SIRT6: variants seen among roughly 807,000 people sequenced by gnomAD.
The protein encoded by SIRT6 is NAD-dependent protein deacylase sirtuin-6.
Under a neutral mutation model 33.6 loss-of-function variants are expected in SIRT6, and 21 were observed. The observed-to-expected ratio is 0.62, with a 90% CI of 0.44 to 0.90. The LOEUF (loss-of-function observed/expected upper bound fraction) is 0.90. Ranked by LOEUF, SIRT6 falls within the 40% of genes least tolerant of loss-of-function variation. The probability of loss-of-function intolerance (pLI) is 0.00; values close to 1 mark genes in which losing one functional copy is unlikely to be tolerated. For synonymous variants in SIRT6, 221 were observed against 223.9 expected (o/e 0.99, Z 0.12); for missense variants, 504 against 510.6 (o/e 0.99, Z 0.12).
chr19:4,178,246 C>T (rs569593300), intron 3 of SIRT6, among the ~76,000 whole-genome samples: 17 of 151,944 alleles, frequency 1.1e-4, no homozygotes, highest in African/African-American at 3.6e-4. Flanking sequence ...AGGCTGGTCT[C>T]GAACTCTTGA....
At chr19:4,182,219 G>T in intron 1 of SIRT6, 1 of 490,676 alleles carries the variant, frequency 2.0e-6, no homozygotes, top group Non-Finnish European at 3.6e-6. Context: ...ACCTCCCTTT[G>T]CGCCTGTCGT....
chr19:4,180,773 A>G lies in SIRT6; in HGVS notation c.194+9T>C. The G allele has an allele frequency of 6.2e-7, 1 of 1,604,706 alleles. No individual in the cohort carries two copies. Among genetic ancestry groups the G allele is most frequent in the South Asian group, 1.1e-5 (1 of 89,966 alleles). The stretch of plus-strand genomic sequence containing the variant: ...GCCTTGCCTCGACTTCCCCTGCACA[A>G]TCACAGACCTGAAGTCGGGGATGCC... On this transcript the variant is annotated intron_variant, in intron 2 of 7. Transcript: ENST00000337491.
rs748302927 is a variant in SIRT6 at position 4,180,914 on chromosome 19, G to T, written c.67-5C>A. On this transcript the variant is annotated splice_region_variant and splice_polypyrimidine_tract_variant and intron_variant, in intron 1 of 7. Transcript: ENST00000337491. The stretch of plus-strand genomic sequence containing the variant: ...CTCCTCCGGGGGGTCGAAGATCTGT[G>T]GGGGGAGAGAGCAGACGGAGGGGTC... 57 of 1,607,986 alleles carry T rather than the reference G, an allele frequency of 3.5e-5. No homozygotes were observed. The highest frequency in any genetic ancestry group is 2.7e-4 in the Admixed American group (16 of 59,002).
At position 4,174,359 on chromosome 19, in the gene SIRT6, G is replaced by A. The variant is rs1469493093; in HGVS notation, c.*258C>T. ...CAGGGAGGGCCCAGCCTCACCTCTG[G>A]ACAACACAGCAAGTCAGAGGCTGGG... On this transcript the variant is annotated 3_prime_UTR_variant, in exon 8 of 8. Coordinates refer to ENST00000337491, the MANE Select transcript of SIRT6 (RefSeq NM_016539.4). This position sits in a 1 kb window ranked among gnomAD's most constrained non-coding sequence, Gnocchi z 4.2. 13 of 376,630 alleles carry A rather than the reference G, an allele frequency of 3.5e-5. No individual in the cohort carries two copies. Among genetic ancestry groups the A allele is most frequent in the Middle Eastern group, 6.8e-4 (1 of 1,472 alleles). The allele number at this position is 376,630 out of a possible 1,614,324, so 23.3% of individuals were successfully genotyped here. A position where few individuals can be genotyped will look rare whatever the true frequency, so the allele number is the denominator to read the frequency against.
At chr19:4,176,860 C>G (rs899201609) in intron 4 of SIRT6, among the ~76,000 whole-genome samples, 1 of 151,298 alleles carries the variant, frequency 6.6e-6, no homozygotes, top group Non-Finnish European at 1.5e-5. Context: ...GAGGGAGGCA[C>G]GGCCCCCCCA....
chr19:4,176,755 C>T (rs747773223), intron 4 of SIRT6, among the ~76,000 whole-genome samples: 5 of 152,122 alleles, frequency 3.3e-5, no homozygotes, highest in Admixed American at 6.5e-5. Flanking sequence ...CTTCTGGTCC[C>T]CAGAACTGTG....
In SIRT6 at chr19:4,182,485, C is replaced by T; in HGVS notation, c.55G>A (p.Gly19Ser). ...TCAGACGCGCTCACCTCCGGGAGGC[C>T]GCACTTGCCCTTGTCCGCGTACGGC... The part of the protein sequence containing the change: ...LSPYADKGKC[G>S]LPEIFDPPEE... Residue 19 changes from glycine to serine, a missense_variant, in exon 1 of 8, where the codon GGC becomes AGC. By Grantham distance (56) the Gly-to-Ser change is moderately conservative. Coordinates refer to ENST00000337491, the MANE Select transcript of SIRT6 (RefSeq NM_016539.4). 2 of 1,610,550 alleles carry T rather than the reference C, an allele frequency of 1.2e-6. No homozygotes were observed. The highest frequency in any genetic ancestry group is 8.5e-7 in the Non-Finnish European group (1 of 1,178,800).
rs1025415390 is a variant in SIRT6 at position 4,179,095 on chromosome 19, G to C, written c.377+9C>G. On this transcript the variant is annotated intron_variant, in intron 3 of 7. Transcript: ENST00000337491. The stretch of plus-strand genomic sequence containing the variant: ...AAGCTCTTTTGTGGGGGCGGGGCCA[G>C]GGTGTTACCTGGGGAAGCCTGAGCG... The C allele has an allele frequency of 6.2e-6, 10 of 1,610,992 alleles. No individual in the cohort carries two copies. The highest frequency in any genetic ancestry group is 8.5e-6 in the Non-Finnish European group (10 of 1,179,688).
In SIRT6 at chr19:4,176,012, A is replaced by G. The variant is rs1967283229; in HGVS notation, c.438-75T>C. 3.7e-6 allele frequency: 5 copies of G among 1,351,518 alleles called. No individual in the cohort carries two copies. The South Asian group carries it at 3.8e-5, about 10-fold the overall frequency. The allele number at this position is 1,351,518 out of a possible 1,614,324, so 83.7% of individuals were successfully genotyped here. ...TGACTCTCGCACTGTTTCTAGGGTG[A>G]CGTTCTCCCAGGGAGGTGGGGGGTG... is the stretch of plus-strand genomic sequence containing the variant. On this transcript the variant is annotated intron_variant, in intron 4 of 7. Transcript: ENST00000337491.
intron 5 of SIRT6, 28 bp from the exon 6 acceptor site, chr19:4,175,788 T>G (rs7246235): frequency 0.032 from 49,057 of 1,555,682 alleles, 3,218 homozygotes; most frequent in East Asian, 0.2. Context: ...AGGAGAGTCC[T>G]CAGGGGCCTC....
intron 2 of SIRT6, among the ~76,000 whole-genome samples, chr19:4,180,418 C>G (rs962994056): frequency 2.0e-5 from 3 of 152,138 alleles, no homozygotes; most frequent in Non-Finnish European, 4.4e-5. Context: ...GAGCCTCACT[C>G]TGTCGCCCAG....
In SIRT6 at chr19:4,174,715, T is replaced by C. The variant is rs200218478; in HGVS notation, c.970A>G (p.Asn324Asp). 75 of 1,467,040 alleles carry C rather than the reference T, an allele frequency of 5.1e-5. No homozygotes were observed. Among genetic ancestry groups the C allele is most frequent in the Non-Finnish European group, 6.3e-5 (70 of 1,108,154 alleles). The allele number at this position is 1,467,040 out of a possible 1,614,324, so 90.9% of individuals were successfully genotyped here. A position where few individuals can be genotyped will look rare whatever the true frequency, so the allele number is the denominator to read the frequency against. The change falls in exon 8 of 8, where the codon AAC becomes GAC. Residue 324 changes from asparagine (N) to aspartate (D), a missense_variant. Asn to Asp is a conservative substitution (Grantham distance 23). Coordinates refer to ENST00000337491, the MANE Select transcript of SIRT6 (RefSeq NM_016539.4). This position sits in a 1 kb window ranked among gnomAD's most constrained non-coding sequence, Gnocchi z 4.2. Reference protein sequence around the residue: ...GPKQEPCAQHNGSEPASPKRE... With the variant: ...GPKQEPCAQHDGSEPASPKRE... ...TTGGGGCTGGCGGGCTCTGAGCCGT[T>C]GTGCTGGGCGCAGGGCTCCTGCTTG...
chr19:4,175,842 C>T lies in SIRT6; in HGVS notation c.533G>A (p.Arg178Lys). 1 of 1,557,778 alleles carries T rather than the reference C, an allele frequency of 6.4e-7. No individual in the cohort carries two copies. Among genetic ancestry groups the T allele is most frequent in the Non-Finnish European group, 8.7e-7 (1 of 1,150,836 alleles). ...CAGGGCATGGGTGGGGGTGGCTCAC[C>T]TGCAGGCTCGCAGCCCCCTTGCCTT... ...VAKARGLRAC[R>K]GELRDTILDW... Residue 178 changes from arginine to lysine, a missense_variant and splice_region_variant, in exon 5 of 8, where the codon AGG (arginine) becomes AAG (lysine). Physicochemically the swap from Arg to Lys is conservative, Grantham distance 26. Transcript: ENST00000337491.
At chr19:4,182,243 AACT>A in intron 1 of SIRT6, 1 of 514,208 alleles carries the variant, frequency 1.9e-6, no homozygotes, top group Non-Finnish European at 3.4e-6. Flanking sequence ...CTCTTCCTGG[AACT>A]ACATCCCCTC....
intron 4 of SIRT6, 64 bp from the exon 5 acceptor site, chr19:4,176,001 T>A: frequency 7.0e-7 from 1 of 1,427,820 alleles, no homozygotes; most frequent in Non-Finnish European, 9.6e-7. Flanking sequence ...TCTCGCACTG[T>A]TTCTAGGGTG....
At chr19:4,179,528 G>A (rs1379225109) in intron 2 of SIRT6, 1 of 547,162 alleles carries the variant, frequency 1.8e-6, no homozygotes, top group Non-Finnish European at 3.2e-6. Flanking sequence ...GCAAGTCAGA[G>A]ACAGAATTGG....
At chr19:4,180,666 C>A in intron 2 of SIRT6, 116 bp downstream of exon 2, 1 of 1,365,124 alleles carries the variant, frequency 7.3e-7, no homozygotes, top group South Asian at 1.4e-5. Flanking sequence ...GTACCCAGGA[C>A]ACATCCAGGA....
At chr19:4,179,012 T>C (rs1215136619) in intron 3 of SIRT6, 92 bp downstream of exon 3, 3 of 1,476,622 alleles carry the variant, frequency 2.0e-6, no homozygotes, top group African/African-American at 1.4e-5. Context: ...TAGAATCTTA[T>C]AGAACCAGGA....
At chr19:4,177,603 C>A (rs1967380651) in intron 3 of SIRT6, among the ~76,000 whole-genome samples, 1 of 152,082 alleles carries the variant, frequency 6.6e-6, no homozygotes. Context: ...TCTTGTTGCC[C>A]AGGTTGGAGT....
Sources: gnomAD v4.1 joint callset for allele counts (sites outside exome capture counted in the v4.1 genomes callset) on GRCh38, gnomAD v4.1.1 for gene constraint, Gnocchi (gnomAD v3.1) non-coding constraint, MANE v1.5 for transcripts, NCBI Gene and HGNC (gene_info 2026-07-23, HGNC 2026-07-21) for gene names.